Variants in ABCC1 observed in about 807,000 individuals in gnomAD.
The protein encoded by ABCC1 is multidrug resistance-associated protein 1.
In ABCC1, 83 loss-of-function variants were observed where a neutral mutation model predicts 172.9. The observed-to-expected ratio is 0.48, with a 90% CI of 0.40 to 0.58. The LOEUF is 0.58. ABCC1 is among the 20% of genes least tolerant of loss of function. The pLI is 0.00. For synonymous variants in ABCC1, 937 were observed against 825.2 expected (o/e 1.14, Z -2.32); for missense variants, 1,817 against 2,002.7 (o/e 0.91, Z 1.77).
At chr16:15,980,556 CT>C (rs1358136817) in intron 1 of ABCC1, among the ~76,000 whole-genome samples, 1 of 152,112 alleles carries the variant, frequency 6.6e-6, no homozygotes, top group Non-Finnish European at 1.5e-5. Context: ...ACCATCAGAT[CT>C]TGTGAGAACT....
Position 16,121,956 on chromosome 16 carries a change from C to T in ABCC1, c.3391-19C>T, listed in dbSNP as rs765666093. The T allele has an allele frequency of 2.4e-5, 38 of 1,613,884 alleles. No homozygotes were observed. The highest frequency in any genetic ancestry group is 1.0e-4 in the Admixed American group (6 of 60,014). ...GGAGGGAACCTTCATCAACTCCCCG[C>T]GTCTGTTCTCTACCCCAGAGGTTCT... On this transcript the variant is annotated intron_variant, in intron 23 of 30. Transcript: ENST00000399410.
chr16:16,072,775 C>G (rs2050400718), intron 14 of ABCC1, among the ~76,000 whole-genome samples: 1 of 151,952 alleles, frequency 6.6e-6, no homozygotes, highest in Admixed American at 6.6e-5. Flanking sequence ...GGCACAGTGG[C>G]TCACGCCTGT....
At chr16:16,079,591 C>T (rs993033570) in intron 16 of ABCC1, 113 bp downstream of exon 16, 36 of 1,330,250 alleles carry the variant, frequency 2.7e-5, no homozygotes, top group South Asian at 6.0e-5. Context: ...AAAGCAGCAA[C>T]GTCTCTTTTC....
chr16:16,081,531 G>A (rs1417357296), intron 16 of ABCC1, among the ~76,000 whole-genome samples: 3 of 152,120 alleles, frequency 2.0e-5, no homozygotes, highest in African/African-American at 7.2e-5. Context: ...TTTCCCAAAT[G>A]TTTTAGTTGG....
intron 1 of ABCC1, among the ~76,000 whole-genome samples, chr16:16,005,034 G>A (rs1238282829): frequency 2.7e-5 from 4 of 149,518 alleles, no homozygotes; most frequent in South Asian, 4.2e-4. Flanking sequence ...TTTTTTAAGT[G>A]AAGTGATCTT....
intron 28 of ABCC1, among the ~76,000 whole-genome samples, chr16:16,135,039 G>A (rs907115371): frequency 6.6e-6 from 1 of 152,154 alleles, no homozygotes; most frequent in African/African-American, 2.4e-5. Context: ...TATCAGTCCC[G>A]ACTTCCTGTC....
Position 16,052,738 on chromosome 16 carries a change from C to T in ABCC1, c.1395C>T (p.Ser465=), listed in dbSNP as rs373421750. ...TCCTTCCTTAGAATCTGGGCCCTTC[C>T]GTCCTGGCTGGAGTGGCGGTGATGG... The part of the protein sequence containing the change: ...LYLLWLNLGP[S]VLAGVAVMVL... Residue 465 remains serine, a synonymous_variant, in exon 11 of 31, where the codon TCC becomes TCT. Transcript: ENST00000399410. The T allele has an allele frequency of 1.7e-5, 27 of 1,613,988 alleles. No individual in the cohort carries two copies. The African/African-American group carries it at 2.4e-4, about 14-fold the overall frequency.
intron 13 of ABCC1, among the ~76,000 whole-genome samples, chr16:16,069,197 TAAATAA>T (rs1567369081): frequency 1.7e-4 from 24 of 144,936 alleles, no homozygotes; most frequent in African/African-American, 6.1e-4. Flanking sequence ...AATAAATAAA[TAAATAA>T]ATAAATAAAT....
In ABCC1 at chr16:16,011,208, G is replaced by A. The variant is rs1421959086; in HGVS notation, c.351+1307G>A. Among the ~76,000 whole-genome samples, 4 of 151,542 alleles carry A rather than the reference G, an allele frequency of 2.6e-5. 1 individual carries two copies. Among genetic ancestry groups the A allele is most frequent in the African/African-American group, 2.4e-5 (1 of 41,372 alleles). Reference sequence around the variant, plus strand: ...AGATCGCACCACTGTGCTCCAGTCTGGGGGACAGAGCGAGACCTCATCTCA... The same window carrying A: ...AGATCGCACCACTGTGCTCCAGTCTAGGGGACAGAGCGAGACCTCATCTCA... On this transcript the variant is annotated intron_variant, in intron 3 of 30. Transcript: ENST00000399410.
At chr16:16,128,581 A>G (rs2045542016) in intron 26 of ABCC1, among the ~76,000 whole-genome samples, 1 of 152,222 alleles carries the variant, frequency 6.6e-6, no homozygotes, top group South Asian at 2.1e-4. Context: ...ATGTATTTTT[A>G]TATATAGATA....
chr16:16,046,316 A>G (rs2049205772), intron 9 of ABCC1, among the ~76,000 whole-genome samples: 1 of 151,602 alleles, frequency 6.6e-6, no homozygotes. Context: ...TCTGCTGTTA[A>G]CATTCTGTGT....
intron 1 of ABCC1, among the ~76,000 whole-genome samples, chr16:15,961,829 A>G (rs889158312): frequency 1.4e-5 from 2 of 147,290 alleles, no homozygotes; most frequent in Non-Finnish European, 3.0e-5. Context: ...TGGCTGAGCC[A>G]TGTATTCACC....
At chr16:16,125,384 A>G (rs117581877) in intron 25 of ABCC1, among the ~76,000 whole-genome samples, 6 of 152,140 alleles carry the variant, frequency 3.9e-5, no homozygotes, top group Non-Finnish European at 8.8e-5. Flanking sequence ...TAATTTCGGT[A>G]CCTTTCTTAC....
intron 13 of ABCC1, among the ~76,000 whole-genome samples, chr16:16,071,397 C>T (rs1168345927): frequency 6.6e-6 from 1 of 152,072 alleles, no homozygotes; most frequent in Non-Finnish European, 1.5e-5. Flanking sequence ...CGTGCCCAGC[C>T]ATTCGCCCAT....
intron 1 of ABCC1, among the ~76,000 whole-genome samples, chr16:15,981,189 C>T (rs1318591249): frequency 6.6e-6 from 1 of 152,224 alleles, no homozygotes; most frequent in Non-Finnish European, 1.5e-5. Flanking sequence ...TGTTGTGAGT[C>T]TGCGGCTTTT....
intron 26 of ABCC1, among the ~76,000 whole-genome samples, chr16:16,131,077 T>C (rs1372546642): frequency 2.6e-5 from 4 of 151,902 alleles, no homozygotes; most frequent in Non-Finnish European, 5.9e-5. Context: ...GCTGAGATCA[T>C]GCCATTGCAC....
intron 28 of ABCC1, among the ~76,000 whole-genome samples, chr16:16,135,377 G>A (rs548507447): frequency 2.0e-5 from 3 of 152,272 alleles, no homozygotes; most frequent in South Asian, 2.1e-4. Context: ...ACAACCATGA[G>A]TACCCAGAGT....
intron 20 of ABCC1, among the ~76,000 whole-genome samples, chr16:16,106,350 A>G (rs1430627177): frequency 6.9e-6 from 1 of 145,276 alleles, no homozygotes; most frequent in Non-Finnish European, 1.5e-5. Flanking sequence ...ATGATCTACG[A>G]TGTGCCCTTT....
intron 19 of ABCC1, chr16:16,098,169 CA>C (rs1401500981): frequency 2.0e-5 from 3 of 153,610 alleles, no homozygotes; most frequent in African/African-American, 4.8e-5. Flanking sequence ...TGTCTGTCCT[CA>C]AAGGGGCTGG....
Sources: gnomAD v4.1 joint callset for allele counts (sites outside exome capture counted in the v4.1 genomes callset) on GRCh38, gnomAD v4.1.1 for gene constraint, MANE v1.5 for transcripts, NCBI Gene and HGNC (gene_info 2026-07-23, HGNC 2026-07-21) for gene names.